DOCK10: variants seen among roughly 807,000 people sequenced by gnomAD.
DOCK10 encodes the protein dedicator of cytokinesis 10.
In DOCK10, 145 loss-of-function variants were observed where a neutral mutation model predicts 280.1. That is an observed-to-expected ratio of 0.52 (90% CI 0.45 to 0.59). The LOEUF is 0.59. DOCK10 is among the 20% of genes least tolerant of loss of function. DOCK10 has a pLI of 0.00. For missense variants in DOCK10, 2,368 were observed against 2,651.7 expected (o/e 0.89, Z 2.35); for synonymous variants, 915 against 942.2 (o/e 0.97, Z 0.53).
intron 31 of DOCK10, among the ~76,000 whole-genome samples, chr2:224,814,012 T>C (rs16866187): frequency 0.081 from 12,344 of 152,282 alleles, 932 homozygotes; most frequent in African/African-American, 0.2. Flanking sequence ...GTCAGTTACA[T>C]TGAACAAGCA....
chr2:224,820,762 T>C (rs1462867540), intron 28 of DOCK10, among the ~76,000 whole-genome samples: 1 of 152,246 alleles, frequency 6.6e-6, no homozygotes, highest in Non-Finnish European at 1.5e-5. Context: ...GACTTGCTTA[T>C]CCATCCTTAT....
At chr2:224,881,191 A>G (rs1253839675) in intron 7 of DOCK10, among the ~76,000 whole-genome samples, 2 of 152,164 alleles carry the variant, frequency 1.3e-5, no homozygotes, top group Admixed American at 6.6e-5. Context: ...TCATTCTTGC[A>G]TATGTTATCA....
At chr2:224,862,147 C>G (rs974236031) in intron 14 of DOCK10, 1 of 152,660 alleles carries the variant, frequency 6.6e-6, no homozygotes, top group South Asian at 2.1e-4. Context: ...CTTTCAGAGG[C>G]AACTGGTACT....
chr2:225,006,566 G>A (rs1416909282), intron 1 of DOCK10, among the ~76,000 whole-genome samples: 5 of 152,148 alleles, frequency 3.3e-5, no homozygotes, highest in Non-Finnish European at 5.9e-5. Context: ...ACTTGCTGAG[G>A]TCCTGTGATG....
At chr2:224,858,932 G>A (rs1202612089) in intron 14 of DOCK10, among the ~76,000 whole-genome samples, 1 of 152,198 alleles carries the variant, frequency 6.6e-6, no homozygotes, top group Non-Finnish European at 1.5e-5. Context: ...TTCACAAACA[G>A]CATGAATAAC....
intron 19 of DOCK10, among the ~76,000 whole-genome samples, chr2:224,848,286 G>A (rs763239138): frequency 5.3e-5 from 8 of 152,200 alleles, no homozygotes; most frequent in South Asian, 4.1e-4. Context: ...CATAGAAAAC[G>A]TCTACAAAAG....
chr2:224,944,450 G>A (rs1166841063), intron 1 of DOCK10, among the ~76,000 whole-genome samples: 1 of 152,142 alleles, frequency 6.6e-6, no homozygotes, highest in Non-Finnish European at 1.5e-5. Flanking sequence ...ACTTGTAACT[G>A]TTCAAGTTAC....
At chr2:224,965,108 A>AT (rs1243956854) in intron 1 of DOCK10, among the ~76,000 whole-genome samples, 4 of 152,376 alleles carry the variant, frequency 2.6e-5, no homozygotes, top group Non-Finnish European at 4.4e-5. Context: ...AATAGGGTTG[A>AT]TTTTAGAAAA....
intron 2 of DOCK10, among the ~76,000 whole-genome samples, chr2:224,926,847 A>G (rs2126000677): frequency 6.6e-6 from 1 of 152,354 alleles, no homozygotes; most frequent in South Asian, 2.1e-4. Context: ...AATTCATGAA[A>G]TAAATATTTA....
chr2:225,037,259 T>C (rs1313837937), intron 1 of DOCK10, among the ~76,000 whole-genome samples: 1 of 152,164 alleles, frequency 6.6e-6, no homozygotes, highest in Non-Finnish European at 1.5e-5. Flanking sequence ...GACTTAACTA[T>C]TGAAATTCCA....
At chr2:225,001,516 C>T (rs1183678970) in intron 1 of DOCK10, among the ~76,000 whole-genome samples, 1 of 151,934 alleles carries the variant, frequency 6.6e-6, no homozygotes, top group Non-Finnish European at 1.5e-5. Flanking sequence ...TCTTGATCTC[C>T]TGACCTTGTG....
intron 3 of DOCK10, among the ~76,000 whole-genome samples, chr2:224,908,506 T>G (rs1575037887): frequency 1.3e-5 from 2 of 151,906 alleles, no homozygotes; most frequent in East Asian, 3.9e-4. Flanking sequence ...CTTTTTTATT[T>G]TTCTACGGAC....
intron 1 of DOCK10, among the ~76,000 whole-genome samples, chr2:224,988,669 G>A (rs1706041234): frequency 6.6e-6 from 1 of 152,216 alleles, no homozygotes; most frequent in Non-Finnish European, 1.5e-5. Context: ...TCCCTCACAG[G>A]AAAGTCTGTG....
At chr2:224,876,821 A>T (rs529641507) in intron 7 of DOCK10, among the ~76,000 whole-genome samples, 8 of 151,548 alleles carry the variant, frequency 5.3e-5, no homozygotes, top group South Asian at 2.1e-4. Flanking sequence ...TCTTCTCATG[A>T]CCTCTAGTGA....
At chr2:224,994,743 G>A (rs1161950117) in intron 1 of DOCK10, among the ~76,000 whole-genome samples, 2 of 152,128 alleles carry the variant, frequency 1.3e-5, no homozygotes, top group Non-Finnish European at 2.9e-5. Context: ...ACTTTATGTA[G>A]CTCTTTTTCT....
At chr2:224,882,885 A>G (rs1225003225) in intron 7 of DOCK10, among the ~76,000 whole-genome samples, 1 of 152,214 alleles carries the variant, frequency 6.6e-6, no homozygotes, top group African/African-American at 2.4e-5. Flanking sequence ...AAACTTACAC[A>G]TCTGGAAGAA....
intron 1 of DOCK10, among the ~76,000 whole-genome samples, chr2:225,033,621 C>T (rs542096733): frequency 6.6e-6 from 1 of 152,216 alleles, no homozygotes; most frequent in South Asian, 2.1e-4. Flanking sequence ...TTATTTCTAC[C>T]TCATTAAATG....
chr2:224,792,947 G>T, intron 47 of DOCK10, 27 bp downstream of exon 47: 1 of 1,522,032 alleles, frequency 6.6e-7, no homozygotes. Flanking sequence ...CTCTGCATTG[G>T]GATAAATGAG....
chr2:224,944,148 C>G (rs1703260510), intron 1 of DOCK10, among the ~76,000 whole-genome samples: 1 of 151,812 alleles, frequency 6.6e-6, no homozygotes, highest in African/African-American at 2.4e-5. Flanking sequence ...TCTGCTTAGA[C>G]TGGGTAGAAA....
Sources: allele counts gnomAD v4.1 joint callset (sites outside exome capture counted in the v4.1 genomes callset), GRCh38; gene constraint gnomAD v4.1.1; transcripts MANE v1.5; gene names NCBI Gene and HGNC (gene_info 2026-07-23, HGNC 2026-07-21).